Variants in CSMD1 observed in about 807,000 individuals in gnomAD.
CSMD1 encodes the protein CUB and sushi domain-containing protein 1.
A neutral mutation model predicts 417.5 loss-of-function variants in CSMD1; 213 were observed. That is an observed-to-expected ratio of 0.51 (90% CI 0.46 to 0.57). CSMD1 has a LOEUF of 0.57. Ranked by LOEUF, CSMD1 falls within the 20% of genes least tolerant of loss-of-function variation. CSMD1 has a pLI of 0.00. For synonymous variants in CSMD1, 2,862 were observed against 1,736.8 expected, an observed-to-expected ratio of 1.65 and a Z score of -16.11; for missense variants, 6,923 against 4,529.7, an observed-to-expected ratio of 1.53 and a Z score of -15.17.
rs573490526 is a variant in CSMD1, at chr8:4,801,420, G to A, written c.86-163862C>T. Among the ~76,000 whole-genome samples the A allele has an allele frequency of 2.9e-4, 44 of 151,968 alleles. No homozygotes were observed. In the South Asian group the frequency reaches 8.5e-3, roughly 29 times the overall value. On this transcript the variant is annotated intron_variant, in intron 1 of 69. Coordinates refer to ENST00000635120, the MANE Select transcript of CSMD1 (RefSeq NM_033225.6). ...CCCTCTCCCCGTGGGTTCTATTTCG[G>A]CCAGTCAGCTACTCTTAGCGGACTT...
At chr8:3,066,779 C>A (rs548982506) in intron 49 of CSMD1, among the ~76,000 whole-genome samples, 7 of 152,236 alleles carry the variant, frequency 4.6e-5, no homozygotes, top group African/African-American at 1.7e-4. Context: ...GAAAACTGAG[C>A]TACACAGAAA....
chr8:4,659,372 C>A (rs564669898), intron 1 of CSMD1, among the ~76,000 whole-genome samples: 1 of 152,202 alleles, frequency 6.6e-6, no homozygotes, highest in Admixed American at 6.5e-5. Flanking sequence ...AAGATTAGAG[C>A]AGATATATTT....
chr8:4,962,195 TTTA>T (rs1809540569), intron 1 of CSMD1, among the ~76,000 whole-genome samples: 1 of 142,194 alleles, frequency 7.0e-6, no homozygotes, highest in Non-Finnish European at 1.5e-5. Flanking sequence ...CTGCTTTTTT[TTTA>T]AAAAAAAAAG....
chr8:4,063,915 G>A (rs1217004991), intron 3 of CSMD1, among the ~76,000 whole-genome samples: 3 of 152,148 alleles, frequency 2.0e-5, no homozygotes, highest in African/African-American at 7.2e-5. Flanking sequence ...TGATGTAGGT[G>A]ATAAATCATC....
chr8:2,965,921 T>C lies in CSMD1; in HGVS notation c.9134A>G (p.Asn3045Ser), dbSNP rs777307901. Residue 3045 changes from asparagine to serine, a missense_variant, in exon 59 of 70, where the codon AAT becomes AGT. Transcript: ENST00000635120. ...GAAGTCGGTCCCAAACTGGATGCCA[T>C]TTGCTAGTGTGCCTGGATCCCCACA... ...ISCGDPGTLA[N>S]GIQFGTDFTF... The C allele has an allele frequency of 1.9e-6, 3 of 1,609,396 alleles. No individual in the cohort carries two copies. In the South Asian group the frequency reaches 3.3e-5, roughly 18 times the overall value.
intron 21 of CSMD1, among the ~76,000 whole-genome samples, chr8:3,351,624 G>C (rs532275050): frequency 1.4e-5 from 2 of 147,608 alleles, no homozygotes; most frequent in Non-Finnish European, 3.0e-5. Flanking sequence ...GAAAAGAAAA[G>C]AAAGGAAAGT....
At chr8:4,962,198 A>C (rs76771336) in intron 1 of CSMD1, among the ~76,000 whole-genome samples, 3 of 100,030 alleles carry the variant, frequency 3.0e-5, no homozygotes, top group African/African-American at 4.5e-5. Flanking sequence ...CTTTTTTTTT[A>C]AAAAAAAAAG....
At chr8:4,677,087 ATATAT>A (rs1805740404) in intron 1 of CSMD1, among the ~76,000 whole-genome samples, 1 of 147,216 alleles carries the variant, frequency 6.8e-6, no homozygotes. Flanking sequence ...ATATAGGGAT[ATATAT>A]TATAATATCT....
At chr8:4,295,821 A>G (rs1585178939) in intron 3 of CSMD1, among the ~76,000 whole-genome samples, 1 of 143,294 alleles carries the variant, frequency 7.0e-6, no homozygotes, top group African/African-American at 2.6e-5. Context: ...ATTTAAAGTT[A>G]ATTCTCCCTT....
At chr8:4,070,840 A>T (rs1260536555) in intron 3 of CSMD1, among the ~76,000 whole-genome samples, 1 of 152,064 alleles carries the variant, frequency 6.6e-6, no homozygotes, top group Non-Finnish European at 1.5e-5. Flanking sequence ...GGTTGTTTTC[A>T]CGTGATATAA....
chr8:3,938,894 T>C (rs970209872), intron 5 of CSMD1, among the ~76,000 whole-genome samples: 2 of 152,100 alleles, frequency 1.3e-5, no homozygotes, highest in African/African-American at 4.8e-5. Context: ...CAACTGTATA[T>C]CTATATGCTC....
chr8:4,760,679 T>G (rs1179831253), intron 1 of CSMD1, among the ~76,000 whole-genome samples: 1 of 152,186 alleles, frequency 6.6e-6, no homozygotes, highest in Non-Finnish European at 1.5e-5. Context: ...CTATTTCCTT[T>G]GTTCATATTC....
intron 1 of CSMD1, among the ~76,000 whole-genome samples, chr8:4,744,165 C>G (rs777378500): frequency 1.3e-5 from 2 of 152,174 alleles, no homozygotes; most frequent in African/African-American, 2.4e-5. Context: ...CTATAAAGAG[C>G]GTCGCAGTCC....
intron 1 of CSMD1, among the ~76,000 whole-genome samples, chr8:4,729,710 G>T (rs747496183): frequency 3.9e-5 from 6 of 152,210 alleles, no homozygotes; most frequent in Admixed American, 6.5e-5. Flanking sequence ...GCTTTTCAAA[G>T]CTGTGCTTAC....
chr8:4,867,604 G>A (rs940759151), intron 1 of CSMD1, among the ~76,000 whole-genome samples: 4 of 151,966 alleles, frequency 2.6e-5, no homozygotes, highest in African/African-American at 7.3e-5. Context: ...CTGTATTTTT[G>A]TATCACCTTG....
At chr8:3,955,458 A>G (rs1354783770) in intron 5 of CSMD1, among the ~76,000 whole-genome samples, 1 of 152,202 alleles carries the variant, frequency 6.6e-6, no homozygotes, top group Non-Finnish European at 1.5e-5. Context: ...ATGTAGAAAT[A>G]AAGTAGAATT....
At chr8:3,075,062 A>G (rs79047829) in intron 49 of CSMD1, among the ~76,000 whole-genome samples, 2,405 of 151,808 alleles carry the variant, frequency 0.016, 65 homozygotes, top group African/African-American at 0.055. Context: ...AAAGCATGTA[A>G]CACCTCCCCT....
At chr8:3,757,162 A>T (rs979036089) in intron 5 of CSMD1, among the ~76,000 whole-genome samples, 25 of 152,190 alleles carry the variant, frequency 1.6e-4, no homozygotes, top group African/African-American at 5.5e-4. Flanking sequence ...TCCCCTCTCT[A>T]CCACCACCTA....
At chr8:3,430,185 A>G (rs1416812125) in intron 12 of CSMD1, among the ~76,000 whole-genome samples, 2 of 152,132 alleles carry the variant, frequency 1.3e-5, no homozygotes, top group Admixed American at 1.3e-4. Context: ...CTAATATCTC[A>G]TCTTCCCTCT....
Sources: allele counts gnomAD v4.1 joint callset (sites outside exome capture counted in the v4.1 genomes callset), GRCh38; gene constraint gnomAD v4.1.1; transcripts MANE v1.5; gene names NCBI Gene and HGNC (gene_info 2026-07-23, HGNC 2026-07-21).